Variants in LYRM9 observed in about 807,000 individuals in gnomAD.
LYRM9 encodes LYR motif-containing protein 9.
In LYRM9, 14 loss-of-function variants were observed where a neutral mutation model predicts 12.6. The observed-to-expected ratio is 1.11, with a 90% confidence interval of 0.73 to 1.73. The LOEUF is 1.73. LYRM9 is among the 40% of genes most tolerant of loss of function. LYRM9 has a pLI of 0.00. For missense variants in LYRM9, 94 were observed against 95.0 expected (o/e 0.99, Z 0.04); for synonymous variants, 42 against 35.1 (o/e 1.20, Z -0.69).
rs773425806 is a variant in LYRM9, at chr17:27,880,382, T to C, written c.127-16A>G. 1.3e-5 allele frequency: 21 copies of C among 1,583,622 alleles called. No homozygotes were observed. Among genetic ancestry groups the C allele is most frequent in the African/African-American group, 1.3e-5 (1 of 74,420 alleles). Reference sequence around the variant, plus strand: ...CCCGAAAACTCTGCAAGTTTAAGCATAAAGAAAGATGACTAGGCAAAATTC... The same window carrying C: ...CCCGAAAACTCTGCAAGTTTAAGCACAAAGAAAGATGACTAGGCAAAATTC... On this transcript the variant is annotated splice_polypyrimidine_tract_variant and intron_variant, in intron 2 of 3. Transcript: ENST00000379102.
chr17:27,886,989 T>C lies in LYRM9; in HGVS notation c.-18-4277A>G, dbSNP rs372340746. On this transcript the variant is annotated intron_variant, in intron 1 of 3. Coordinates refer to ENST00000379102, the MANE Select transcript of LYRM9 (RefSeq NM_001076680.3). This position sits in a 1 kb window ranked among gnomAD's most constrained non-coding sequence, Gnocchi z 4.8. ...ATTCCTATCAAATTCCACCTCTGAA[T>C]GCCCCTCATATTTTTCCCTTCCTCT... 6.6e-6 allele frequency among the ~76,000 whole-genome samples: 1 copy of C among 152,114 alleles called. No homozygotes were observed. Among genetic ancestry groups the C allele is most frequent in the Admixed American group, 6.5e-5 (1 of 15,276 alleles).
At position 27,886,117 on chromosome 17, in the gene LYRM9, A is replaced by G. The variant is rs886915889; in HGVS notation, c.-18-3405T>C. ...CTCCACTGGCAGGCTTCCCCAAACT[A>G]TATAAAGTAGTAATCAAATATTGTA... On this transcript the variant is annotated intron_variant, in intron 1 of 3. Coordinates refer to ENST00000379102, the MANE Select transcript of LYRM9 (RefSeq NM_001076680.3). This position sits in a 1 kb window ranked among gnomAD's most constrained non-coding sequence, Gnocchi z 4.8. Among the ~76,000 whole-genome samples, 2 of 152,194 alleles carry G rather than the reference A, an allele frequency of 1.3e-5. No homozygotes were observed. The highest frequency in any genetic ancestry group is 6.5e-5 in the Admixed American group (1 of 15,282).
chr17:27,884,501 G>A lies in LYRM9; in HGVS notation c.-18-1789C>T, dbSNP rs182474284. On this transcript the variant is annotated intron_variant, in intron 1 of 3. Transcript: ENST00000379102. ...CCGTGGACTCCTTCCCATCTTCTCCGTGTGAGGAACCTTGTTCATCCTTCC... is the reference window on the plus strand; with the variant it reads ...CCGTGGACTCCTTCCCATCTTCTCCATGTGAGGAACCTTGTTCATCCTTCC... 4.0e-3 allele frequency among the ~76,000 whole-genome samples: 609 copies of A among 152,322 alleles called. 8 individuals are homozygous for A. The highest frequency in any genetic ancestry group is 0.014 in the African/African-American group (578 of 41,572).
chr17:27,889,344 G>C (rs980410236), intron 1 of LYRM9, among the ~76,000 whole-genome samples: 1 of 147,546 alleles, frequency 6.8e-6, no homozygotes, highest in Non-Finnish European at 1.5e-5. Context: ...TTTCGCTCTC[G>C]TTCCCCAGGC....
chr17:27,883,691 T>C (rs943143045), intron 1 of LYRM9, among the ~76,000 whole-genome samples: 2 of 151,386 alleles, frequency 1.3e-5, no homozygotes, highest in African/African-American at 4.8e-5. Flanking sequence ...GAGCACTTGT[T>C]TGTCTCTATT....
chr17:27,893,340 C>A lies in LYRM9; in HGVS notation c.-42G>T, dbSNP rs890208321. 2 of 152,126 alleles carry A rather than the reference C, an allele frequency of 1.3e-5. No homozygotes were observed. The highest frequency in any genetic ancestry group is 4.8e-5 in the African/African-American group (2 of 41,408). The allele number at this position is 152,126 out of a possible 1,614,324, so 9.4% of individuals were successfully genotyped here. On this transcript the variant is annotated 5_prime_UTR_variant, in exon 1 of 4. Transcript: ENST00000379102. ...ACCAGCCTCCAGGGGAACGCCAGCCCCGGACGCCGCCGCGGCGACGAGTGC... is the reference window on the plus strand; with the variant it reads ...ACCAGCCTCCAGGGGAACGCCAGCCACGGACGCCGCCGCGGCGACGAGTGC...
At chr17:27,883,981 G>A (rs1015327302) in intron 1 of LYRM9, among the ~76,000 whole-genome samples, 2 of 150,320 alleles carry the variant, frequency 1.3e-5, no homozygotes, top group African/African-American at 4.9e-5. Flanking sequence ...ATAATCAAGA[G>A]AGTTAACATA....
At chr17:27,883,915 T>TA (rs1365340663) in intron 1 of LYRM9, among the ~76,000 whole-genome samples, 1 of 140,288 alleles carries the variant, frequency 7.1e-6, no homozygotes, top group Non-Finnish European at 1.5e-5. Flanking sequence ...TTCATATACT[T>TA]AAAGTATATA....
At position 27,889,252 on chromosome 17, in the gene LYRM9, G is replaced by A. The variant is rs543172928; in HGVS notation, c.-19+4065C>T. Among the ~76,000 whole-genome samples the A allele has an allele frequency of 8.5e-5, 13 of 152,074 alleles. No homozygotes were observed. The East Asian group carries it at 1.4e-3, about 16-fold the overall frequency. ...ACTGCTTCTCTGCTGGGGCCCTCAC[G>A]TGGCCCTGGCATTTGGCTCAAAGGC... On this transcript the variant is annotated intron_variant, in intron 1 of 3. Transcript: ENST00000379102.
intron 1 of LYRM9, among the ~76,000 whole-genome samples, chr17:27,884,172 G>A (rs935900608): frequency 6.6e-6 from 1 of 152,052 alleles, no homozygotes; most frequent in Non-Finnish European, 1.5e-5. Context: ...TCTCTCTAAA[G>A]AACCCACAAC....
At position 27,879,327 on chromosome 17, in the gene LYRM9, G is replaced by A. The variant is rs2142577922; in HGVS notation, c.*146C>T. The A allele has an allele frequency of 2.6e-6, 2 of 760,400 alleles. No homozygotes were observed. The highest frequency in any genetic ancestry group is 2.4e-5 in the South Asian group (1 of 41,022). The allele number at this position is 760,400 out of a possible 1,614,324, so 47.1% of individuals were successfully genotyped here. Reference sequence around the variant, plus strand: ...TAGCAACATGGCCGCGGCAAGAGGAGCCTCTGGAGCAAGGTCAGCTTCTCC... The same window carrying A: ...TAGCAACATGGCCGCGGCAAGAGGAACCTCTGGAGCAAGGTCAGCTTCTCC... On this transcript the variant is annotated 3_prime_UTR_variant, in exon 4 of 4. Transcript: ENST00000379102.
chr17:27,879,501 G>A lies in LYRM9; in HGVS notation c.220-11C>T, dbSNP rs949485573. On this transcript the variant is annotated splice_polypyrimidine_tract_variant and intron_variant, in intron 3 of 3. Transcript: ENST00000379102. ...GTTTTGTTTTTTATACTGCAAGACA[G>A]AGAGATTCGAAGTGGAGGAGGGAAG... 6.4e-6 allele frequency: 10 copies of A among 1,551,992 alleles called. No homozygotes were observed. The highest frequency in any genetic ancestry group is 5.5e-5 in the African/African-American group (4 of 73,052).
intron 1 of LYRM9, among the ~76,000 whole-genome samples, chr17:27,890,362 C>T (rs1356479157): frequency 1.3e-5 from 2 of 151,948 alleles, no homozygotes; most frequent in Non-Finnish European, 2.9e-5. Flanking sequence ...CCAAGGACAT[C>T]GTCTGCAGCT....
rs1905297120 is a variant in LYRM9, at chr17:27,888,095, C to T, written c.-19+5222G>A. Among the ~76,000 whole-genome samples the T allele has an allele frequency of 2.0e-5, 3 of 152,336 alleles. No individual in the cohort carries two copies. The South Asian group carries it at 6.2e-4, about 32-fold the overall frequency. ...ATGTTTGACCAAATACCTGGGCCTC[C>T]TGTGGCCCAGCCAAGTTGACACATA... is the stretch of plus-strand genomic sequence containing the variant. On this transcript the variant is annotated intron_variant, in intron 1 of 3. Transcript: ENST00000379102.
At chr17:27,880,717 G>T (rs535103903) in intron 2 of LYRM9, 14 of 297,650 alleles carry the variant, frequency 4.7e-5, no homozygotes, top group Non-Finnish European at 8.2e-5. Flanking sequence ...CTCAGAAGAC[G>T]CTGCTTTCCC....
intron 1 of LYRM9, 137 bp from the exon 2 acceptor site, chr17:27,882,849 A>AGGCT: frequency 4.1e-6 from 4 of 979,490 alleles, no homozygotes; most frequent in South Asian, 1.6e-5. Context: ...TGGAGCCTGC[A>AGGCT]CCTTGGGGTG....
At position 27,879,388 on chromosome 17, in the gene LYRM9, C is replaced by A. The variant is rs3751972; in HGVS notation, c.*85G>T. On this transcript the variant is annotated 3_prime_UTR_variant, in exon 4 of 4. Coordinates refer to ENST00000379102, the MANE Select transcript of LYRM9 (RefSeq NM_001076680.3). The stretch of plus-strand genomic sequence containing the variant: ...GGCTTTCAGCCAACAAGGCCAATGG[C>A]TCTTCCAAACCAGCTGCTGCTGCTG... The A allele has an allele frequency of 0.75, 1,080,467 of 1,443,304 alleles. 407,561 individuals carry two copies. The highest frequency in any genetic ancestry group is 0.95 in the African/African-American group (65,898 of 69,296). 89.4% of individuals were successfully genotyped at this position (1,443,304 alleles called of 1,614,324 possible). A position where few individuals can be genotyped will look rare whatever the true frequency, so the allele number is the denominator to read the frequency against.
At chr17:27,882,857 G>A (rs1461713021) in intron 1 of LYRM9, 145 bp from the exon 2 acceptor site, 3 of 896,024 alleles carry the variant, frequency 3.3e-6, no homozygotes, top group African/African-American at 1.7e-5. Flanking sequence ...GCACCTTGGG[G>A]TGGGGTGGGC....
chr17:27,882,502 C>A (rs1264405497), intron 2 of LYRM9, 67 bp downstream of exon 2: 1 of 1,468,654 alleles, frequency 6.8e-7, no homozygotes, highest in Non-Finnish European at 9.0e-7. Flanking sequence ...CTGGCCTTGG[C>A]CTCTGACCTG....
Sources: allele counts gnomAD v4.1 joint callset (sites outside exome capture counted in the v4.1 genomes callset), GRCh38; gene constraint gnomAD v4.1.1; non-coding constraint Gnocchi (gnomAD v3.1); transcripts MANE v1.5; gene names NCBI Gene and HGNC (gene_info 2026-07-23, HGNC 2026-07-21).